Variants in GALNTL6 observed in about 807,000 individuals in gnomAD.
The protein encoded by GALNTL6 is polypeptide N-acetylgalactosaminyltransferase like 6.
In GALNTL6, 46 loss-of-function variants were observed where a neutral mutation model predicts 73.7. The observed-to-expected ratio is 0.62, with a 90% CI of 0.49 to 0.80. The LOEUF is 0.80. Among genes scored for constraint, GALNTL6 ranks in the 30% least tolerant of loss-of-function variants. GALNTL6 has a pLI of 0.00. For missense variants in GALNTL6, 604 were observed against 755.0 expected (o/e 0.80, Z 2.34); for synonymous variants, 259 against 263.7 (o/e 0.98, Z 0.17).
At chr4:172,640,617 T>G (rs1739929547) in intron 5 of GALNTL6, among the ~76,000 whole-genome samples, 1 of 152,124 alleles carries the variant, frequency 6.6e-6, no homozygotes, top group Non-Finnish European at 1.5e-5. Flanking sequence ...CAAATGGTCT[T>G]TTCTCCATGT....
intron 2 of GALNTL6, among the ~76,000 whole-genome samples, chr4:171,820,270 G>T (rs772686234): frequency 1.3e-5 from 2 of 152,182 alleles, no homozygotes; most frequent in Non-Finnish European, 2.9e-5. Context: ...AATGGCATCA[G>T]AAAGAGGGTG....
At chr4:172,369,839 A>C (rs1444701899) in intron 5 of GALNTL6, among the ~76,000 whole-genome samples, 1 of 151,852 alleles carries the variant, frequency 6.6e-6, no homozygotes, top group Non-Finnish European at 1.5e-5. Flanking sequence ...CCCGGTTCCC[A>C]CCCACGCCTC....
intron 2 of GALNTL6, among the ~76,000 whole-genome samples, chr4:172,202,442 ATAT>A (rs1735984631): frequency 6.6e-6 from 1 of 152,220 alleles, no homozygotes; most frequent in African/African-American, 2.4e-5. Flanking sequence ...GGATAGTGTA[ATAT>A]TAGTGTTGAA....
At chr4:172,185,988 T>C (rs1400023581) in intron 2 of GALNTL6, among the ~76,000 whole-genome samples, 2 of 152,208 alleles carry the variant, frequency 1.3e-5, no homozygotes, top group African/African-American at 4.8e-5. Context: ...AAGGATGAAA[T>C]GAAGATATAA....
chr4:172,957,396 T>C (rs1209070414), intron 10 of GALNTL6, among the ~76,000 whole-genome samples: 1 of 152,104 alleles, frequency 6.6e-6, no homozygotes. Context: ...CCATTTGTCT[T>C]GTGTGGGAAG....
intron 5 of GALNTL6, among the ~76,000 whole-genome samples, chr4:172,399,278 G>C (rs1451309790): frequency 6.6e-6 from 1 of 152,006 alleles, no homozygotes; most frequent in Non-Finnish European, 1.5e-5. Flanking sequence ...AAAGTTAACA[G>C]TGTTTAACTC....
intron 2 of GALNTL6, among the ~76,000 whole-genome samples, chr4:172,025,712 T>C (rs1285904737): frequency 1.3e-5 from 2 of 152,018 alleles, no homozygotes; most frequent in Non-Finnish European, 2.9e-5. Context: ...GTTCAGTATA[T>C]TACCTTTTTA....
At chr4:172,116,492 A>G (rs940405501) in intron 2 of GALNTL6, among the ~76,000 whole-genome samples, 12 of 152,202 alleles carry the variant, frequency 7.9e-5, no homozygotes, top group Middle Eastern at 3.4e-3. Context: ...GCTGGTCTCA[A>G]ACTCCTCGTC....
At chr4:172,561,285 A>AAAG (rs1373428810) in intron 5 of GALNTL6, among the ~76,000 whole-genome samples, 1 of 148,088 alleles carries the variant, frequency 6.8e-6, no homozygotes, top group Non-Finnish European at 1.5e-5. Context: ...AAAAAAAAAA[A>AAAG]TATTGCCCAA....
chr4:172,425,509 G>C (rs1250204919), intron 5 of GALNTL6, among the ~76,000 whole-genome samples: 1 of 151,834 alleles, frequency 6.6e-6, no homozygotes, highest in African/African-American at 2.4e-5. Flanking sequence ...TGAGAAATGG[G>C]GAACAAAGAA....
At chr4:172,031,619 G>T (rs1741773696) in intron 2 of GALNTL6, among the ~76,000 whole-genome samples, 1 of 152,006 alleles carries the variant, frequency 6.6e-6, no homozygotes, top group Admixed American at 6.6e-5. Flanking sequence ...CTGTAAGAAT[G>T]ACTGTCATCC....
chr4:172,138,513 A>ATT (rs1169097172), intron 2 of GALNTL6, among the ~76,000 whole-genome samples: 5 of 7,790 alleles, frequency 6.4e-4, no homozygotes, highest in African/African-American at 9.3e-4. Context: ...ATATATATAT[A>ATT]TTTTTTTTTT....
chr4:172,218,137 C>G (rs1479854119), intron 2 of GALNTL6, among the ~76,000 whole-genome samples: 4 of 151,996 alleles, frequency 2.6e-5, no homozygotes, highest in Non-Finnish European at 1.5e-5. Flanking sequence ...TGGAATGTAG[C>G]CTTCATAAGT....
intron 2 of GALNTL6, among the ~76,000 whole-genome samples, chr4:172,087,444 C>CTAA (rs1732077907): frequency 2.4e-4 from 24 of 100,408 alleles, no homozygotes; most frequent in South Asian, 5.8e-4. Context: ...GACTCCATCC[C>CTAA]AAAAAAAAAA....
chr4:172,635,739 AATTATTTTTCTTGATGTAGACAAT>A (rs1363726072), intron 5 of GALNTL6, among the ~76,000 whole-genome samples: 3 of 152,156 alleles, frequency 2.0e-5, no homozygotes, highest in Non-Finnish European at 4.4e-5. Flanking sequence ...AGTTTGGCAC[AATTATTTTTCTTGATGTAGACAAT>A]ATTATTTTTG....
intron 5 of GALNTL6, among the ~76,000 whole-genome samples, chr4:172,364,279 C>T (rs79262175): frequency 0.023 from 3,439 of 152,080 alleles, 124 homozygotes; most frequent in African/African-American, 0.077. Context: ...AAAAGTTAGT[C>T]CATTCTGGTG....
chr4:172,196,576 C>T (rs561051329), intron 2 of GALNTL6, among the ~76,000 whole-genome samples: 71 of 152,246 alleles, frequency 4.7e-4, no homozygotes, highest in Middle Eastern at 6.8e-3. Flanking sequence ...AATCCAGTAG[C>T]ACATTAAAAA....
chr4:172,812,415 CA>C (rs1741363657), intron 6 of GALNTL6, among the ~76,000 whole-genome samples: 1 of 152,138 alleles, frequency 6.6e-6, no homozygotes, highest in Non-Finnish European at 1.5e-5. Context: ...TTCCGAATAA[CA>C]AGAAGTTCTG....
chr4:171,897,021 A>G (rs1560830778), intron 2 of GALNTL6, among the ~76,000 whole-genome samples: 2 of 106,466 alleles, frequency 1.9e-5, no homozygotes, highest in Non-Finnish European at 3.9e-5. Flanking sequence ...AATAAATTAT[A>G]TTAAATATTA....
Sources: allele counts gnomAD v4.1 joint callset (sites outside exome capture counted in the v4.1 genomes callset), GRCh38; gene constraint gnomAD v4.1.1; transcripts MANE v1.5; gene names NCBI Gene and HGNC (gene_info 2026-07-23, HGNC 2026-07-21).